The following DYNC1I1 variants were observed in gnomAD, a reference collection of about 807,000 sequenced individuals.
DYNC1I1 encodes the protein cytoplasmic dynein 1 intermediate chain 1.
In DYNC1I1, 43 loss-of-function variants were observed where a neutral mutation model predicts 86.6. That is an observed-to-expected ratio of 0.50 (90% CI 0.39 to 0.64). The LOEUF (loss-of-function observed/expected upper bound fraction) is 0.64. Ranked by LOEUF, DYNC1I1 falls within the 30% of genes least tolerant of loss-of-function variation. The pLI, the probability that DYNC1I1 is intolerant of heterozygous loss-of-function variation, is 0.00. For synonymous variants in DYNC1I1, 262 were observed against 283.7 expected (o/e 0.92, Z 0.77); for missense variants, 604 against 788.8 (o/e 0.77, Z 2.81).
chr7:96,032,361 A>G (rs533404941), intron 11 of DYNC1I1, among the ~76,000 whole-genome samples: 1 of 152,168 alleles, frequency 6.6e-6, no homozygotes, highest in African/African-American at 2.4e-5. Flanking sequence ...AAGTAGTTCA[A>G]ATTCACCTCC....
chr7:95,979,658 C>T (rs1348130696), intron 7 of DYNC1I1, among the ~76,000 whole-genome samples: 2 of 152,114 alleles, frequency 1.3e-5, no homozygotes, highest in Non-Finnish European at 2.9e-5. Context: ...TGTTGGAGAA[C>T]TATCATTAAA....
chr7:95,895,403 C>T (rs1028879246), intron 6 of DYNC1I1, among the ~76,000 whole-genome samples: 2 of 152,132 alleles, frequency 1.3e-5, no homozygotes, highest in Non-Finnish European at 2.9e-5. Context: ...TTGAGTTCTT[C>T]GGCAATTTCT....
intron 4 of DYNC1I1, among the ~76,000 whole-genome samples, chr7:95,821,115 A>G (rs1795066537): frequency 1.3e-5 from 2 of 152,268 alleles, no homozygotes; most frequent in Non-Finnish European, 2.9e-5. Flanking sequence ...CGTCACACCC[A>G]TCTACAGAAA....
intron 10 of DYNC1I1, among the ~76,000 whole-genome samples, chr7:96,003,698 A>C (rs1183558457): frequency 5.3e-5 from 8 of 152,182 alleles, no homozygotes; most frequent in African/African-American, 1.9e-4. Flanking sequence ...ACCAGTACAG[A>C]GCAGGAGTGG....
At chr7:95,901,957 A>G (rs1791047076) in intron 6 of DYNC1I1, among the ~76,000 whole-genome samples, 1 of 152,226 alleles carries the variant, frequency 6.6e-6, no homozygotes, top group Non-Finnish European at 1.5e-5. Flanking sequence ...AAGATCTGAA[A>G]CTGATTCTCC....
chr7:96,110,091 C>G (rs1286385912), downstream of DYNC1I1: 1 of 441,854 alleles, frequency 2.3e-6, no homozygotes, highest in Non-Finnish European at 4.5e-6. Flanking sequence ...CCCAGCTATG[C>G]CTGCTTGTTA....
intron 6 of DYNC1I1, among the ~76,000 whole-genome samples, chr7:95,935,083 T>C (rs1792003984): frequency 6.6e-6 from 1 of 152,030 alleles, no homozygotes; most frequent in South Asian, 2.1e-4. Context: ...CTAGAGCTTA[T>C]TCACCTTGCT....
At chr7:95,903,026 C>T (rs1791081272) in intron 6 of DYNC1I1, among the ~76,000 whole-genome samples, 1 of 152,136 alleles carries the variant, frequency 6.6e-6, no homozygotes. Context: ...TTAGTTGAGC[C>T]TTGTGCAATT....
At chr7:95,821,388 C>T (rs186784980) in intron 4 of DYNC1I1, among the ~76,000 whole-genome samples, 7 of 152,120 alleles carry the variant, frequency 4.6e-5, no homozygotes, top group Non-Finnish European at 8.8e-5. Flanking sequence ...GATATATGGA[C>T]GTCTGTGTGA....
chr7:95,782,388 T>G (rs151038575), intron 1 of DYNC1I1, among the ~76,000 whole-genome samples: 2 of 152,226 alleles, frequency 1.3e-5, no homozygotes, highest in Non-Finnish European at 2.9e-5. Flanking sequence ...ACATATGTAG[T>G]GGTTTCAGCC....
chr7:95,896,346 A>C (rs556596219), intron 6 of DYNC1I1, among the ~76,000 whole-genome samples: 1 of 152,202 alleles, frequency 6.6e-6, no homozygotes, highest in Non-Finnish European at 1.5e-5. Context: ...ATGAGGCAAA[A>C]GGGTAAACTG....
intron 7 of DYNC1I1, among the ~76,000 whole-genome samples, chr7:95,981,862 A>G (rs1297450630): frequency 1.3e-5 from 2 of 152,164 alleles, no homozygotes; most frequent in African/African-American, 4.8e-5. Context: ...AAAATAATTT[A>G]TTAGATTCCA....
intron 14 of DYNC1I1, among the ~76,000 whole-genome samples, chr7:96,061,323 A>G (rs1291473092): frequency 6.6e-6 from 1 of 152,166 alleles, no homozygotes; most frequent in Non-Finnish European, 1.5e-5. Flanking sequence ...AATCTGTAGC[A>G]TGGAGGTACT....
chr7:95,961,641 C>T (rs989219269), intron 6 of DYNC1I1, among the ~76,000 whole-genome samples: 1 of 152,182 alleles, frequency 6.6e-6, no homozygotes, highest in African/African-American at 2.4e-5. Context: ...CTTGAAGGTT[C>T]AAACAGTGGC....
intron 7 of DYNC1I1, among the ~76,000 whole-genome samples, chr7:95,984,570 C>G (rs558744942): frequency 6.6e-6 from 1 of 152,080 alleles, no homozygotes; most frequent in South Asian, 2.1e-4. Context: ...TATTTGTAAT[C>G]TTCTTCAACT....
intron 7 of DYNC1I1, among the ~76,000 whole-genome samples, chr7:95,979,514 C>T (rs1165707599): frequency 1.3e-5 from 2 of 152,084 alleles, no homozygotes; most frequent in Non-Finnish European, 2.9e-5. Flanking sequence ...CCTTGGGGGC[C>T]CCAGCTCTCT....
chr7:95,940,492 C>T (rs569161011), intron 6 of DYNC1I1, among the ~76,000 whole-genome samples: 2,579 of 152,122 alleles, frequency 0.017, 48 homozygotes, highest in South Asian at 0.099. Flanking sequence ...AGGCTTTGTT[C>T]GTTTCTTTTT....
At chr7:96,095,535 A>T (rs149944646) in intron 16 of DYNC1I1, among the ~76,000 whole-genome samples, 1 of 152,202 alleles carries the variant, frequency 6.6e-6, no homozygotes, top group East Asian at 1.9e-4. Flanking sequence ...TTTCTCCAAT[A>T]TTTAAAGTTA....
intron 6 of DYNC1I1, among the ~76,000 whole-genome samples, chr7:95,922,121 A>G (rs978904735): frequency 6.6e-6 from 1 of 152,156 alleles, no homozygotes; most frequent in African/African-American, 2.4e-5. Context: ...ACAAAATTAA[A>G]CAGCTGCTGT....
Sources: allele counts gnomAD v4.1 joint callset (sites outside exome capture counted in the v4.1 genomes callset), GRCh38; gene constraint gnomAD v4.1.1; transcripts MANE v1.5; gene names NCBI Gene and HGNC (gene_info 2026-07-23, HGNC 2026-07-21).